The following DLEC1 variants were observed in gnomAD, a reference collection of about 807,000 sequenced individuals.
DLEC1 encodes deleted in lung and esophageal cancer protein 1.
In DLEC1, 146 loss-of-function variants were observed where a neutral mutation model predicts 198.1. That is an observed-to-expected ratio of 0.74 (90% CI 0.64 to 0.85). DLEC1 has a LOEUF of 0.85. DLEC1 is among the 40% of genes least tolerant of loss of function. The pLI, the probability that DLEC1 is intolerant of heterozygous loss-of-function variation, is 0.00. For synonymous variants in DLEC1, 897 were observed against 866.8 expected (o/e 1.03, Z -0.61); for missense variants, 2,233 against 2,220.0 (o/e 1.01, Z -0.12).
intron 1 of DLEC1, among the ~76,000 whole-genome samples, chr3:38,043,861 A>G (rs770649433): frequency 6.6e-6 from 1 of 152,194 alleles, no homozygotes; most frequent in South Asian, 2.1e-4. Context: ...GCCTGGGTAC[A>G]CAATAAATCT....
In DLEC1 at chr3:38,116,434, C is replaced by T. The variant is rs1260219016; in HGVS notation, c.3857-19C>T. 1.2e-6 allele frequency: 2 copies of T among 1,613,692 alleles called. No individual in the cohort carries two copies. The highest frequency in any genetic ancestry group is 1.3e-5 in the African/African-American group (1 of 74,890). ...TGCTCCTCCCTTATTCCTCACCCTG[C>T]TCCACACATCTGCCCCAGACATCCG... On this transcript the variant is annotated intron_variant, in intron 27 of 36. Coordinates refer to ENST00000308059, the MANE Select transcript of DLEC1 (RefSeq NM_007335.4).
chr3:38,116,617 C>T lies in DLEC1; in HGVS notation c.4021C>T (p.Pro1341Ser), dbSNP rs1303558465. 6 of 1,613,984 alleles carry T rather than the reference C, an allele frequency of 3.7e-6. No homozygotes were observed. In the Admixed American group the frequency reaches 1.0e-4, roughly 27 times the overall value. Residue 1341 changes from proline to serine, a missense_variant, in exon 28 of 37, where the codon CCC (proline) becomes TCC (serine). Coordinates refer to ENST00000308059, the MANE Select transcript of DLEC1 (RefSeq NM_007335.4). Reference protein sequence around the residue: ...EGGCLLWSPGPSSSSEFSHET... With the variant: ...EGGCLLWSPGSSSSSEFSHET... ...TGGCTGCCTCCTCTGGTCCCCAGGC[C>T]CCTCCAGTTCATCGGAATTCAGCCA...
At chr3:38,121,535 C>T in intron 34 of DLEC1, 93 bp from the exon 35 acceptor site, 1 of 1,477,178 alleles carries the variant, frequency 6.8e-7, no homozygotes, top group Non-Finnish European at 9.0e-7. Context: ...TCTTCAGGAG[C>T]ATCAGCACTT....
rs1452307558 is a variant in DLEC1, at chr3:38,085,552, C to T, written c.1435+105C>T. 106 of 1,429,014 alleles carry T rather than the reference C, an allele frequency of 7.4e-5. No homozygotes were observed. The East Asian group carries it at 2.0e-3, about 27-fold the overall frequency. 88.5% of individuals were successfully genotyped at this position (1,429,014 alleles called of 1,614,324 possible). On this transcript the variant is annotated intron_variant, in intron 8 of 36. Coordinates refer to ENST00000308059, the MANE Select transcript of DLEC1 (RefSeq NM_007335.4). ...CTTTGTATCAGCACACAGCTTGGCT[C>T]TCTTGGGCAGGGGCCGTGGGTCCTG...
At chr3:38,086,416 T>C in intron 9 of DLEC1, 39 bp downstream of exon 9, 1 of 1,574,748 alleles carries the variant, frequency 6.4e-7, no homozygotes, top group Non-Finnish European at 8.6e-7. Flanking sequence ...AAATTACAAG[T>C]CCATCAAAGG....
chr3:38,110,036 C>T, intron 22 of DLEC1, 63 bp from the exon 23 acceptor site: 2 of 1,573,836 alleles, frequency 1.3e-6, no homozygotes, highest in Non-Finnish European at 8.6e-7. Flanking sequence ...CAAGATGGCT[C>T]CCTGGGCAGG....
At chr3:38,074,294 C>T (rs1697484218) in intron 6 of DLEC1, among the ~76,000 whole-genome samples, 1 of 152,214 alleles carries the variant, frequency 6.6e-6, no homozygotes, top group African/African-American at 2.4e-5. Context: ...TATTGTACAC[C>T]TTGAAGGTGA....
At chr3:38,096,089 C>T in intron 14 of DLEC1, 143 bp downstream of exon 14, 5 of 931,602 alleles carry the variant, frequency 5.4e-6, no homozygotes, top group Non-Finnish European at 8.2e-6. Flanking sequence ...TTTTTTTTGC[C>T]TTGCCCTGGC....
intron 6 of DLEC1, 68 bp from the exon 7 acceptor site, chr3:38,084,090 T>A: frequency 6.8e-7 from 1 of 1,467,274 alleles, no homozygotes; most frequent in Non-Finnish European, 9.5e-7. Flanking sequence ...TTAGAGTAAA[T>A]CCTGGACATC....
chr3:38,097,218 T>G lies in DLEC1; in HGVS notation c.2377T>G (p.Trp793Gly), dbSNP rs756732543. ...CAGCAAGTCACCCATCAGATACCTG[T>G]GGGGGAAGATCAGCGACTGCCACAT... is the stretch of plus-strand genomic sequence containing the variant. Reference protein sequence around the residue: ...NNSKSPIRYLWGKISDCHIIE... With the variant: ...NNSKSPIRYLGGKISDCHIIE... The change falls in exon 16 of 37, where the codon TGG becomes GGG. Residue 793 changes from tryptophan to glycine, a missense_variant. Transcript: ENST00000308059. 1 of 1,586,498 alleles carries G rather than the reference T, an allele frequency of 6.3e-7. No homozygotes were observed. Among genetic ancestry groups the G allele is most frequent in the East Asian group, 2.3e-5 (1 of 43,648 alleles).
In DLEC1 at chr3:38,117,039, A is replaced by G. The variant is rs1272278639; in HGVS notation, c.4244A>G (p.Glu1415Gly). The G allele has an allele frequency of 6.2e-7, 1 of 1,614,060 alleles. No homozygotes were observed. The highest frequency in any genetic ancestry group is 1.7e-5 in the Admixed American group (1 of 60,014). ...ISFTPMVLSP[E>G]ILHKVECTGY... ...TTCACCCCTATGGTGCTCAGCCCTG[A>G]GATCCTGCACAAGGTGGAGTGTACT... Residue 1415 changes from glutamate (E) to glycine (G), a missense_variant, in exon 30 of 37, where the codon GAG becomes GGG. By Grantham distance (98) the Glu-to-Gly change is moderately conservative. Transcript: ENST00000308059.
chr3:38,112,066 C>G lies in DLEC1; in HGVS notation c.3515-144C>G. 1 of 1,324,876 alleles carries G rather than the reference C, an allele frequency of 7.5e-7. No homozygotes were observed. Among genetic ancestry groups the G allele is most frequent in the Non-Finnish European group, 1.0e-6 (1 of 953,378 alleles). The allele number at this position is 1,324,876 out of a possible 1,614,324, so 82.1% of individuals were successfully genotyped here. A position where few individuals can be genotyped will look rare whatever the true frequency, so the allele number is the denominator to read the frequency against. On this transcript the variant is annotated intron_variant, in intron 24 of 36. Transcript: ENST00000308059. The surrounding 1 kb of genome is among the most constrained non-coding windows in gnomAD (Gnocchi z 4.8). ...GTAGCTTGCCTCTGGATTCCAGGCT[C>G]CCAGGAGGAGGGCACATGTAGCCTG...
In DLEC1 at chr3:38,116,477, A is replaced by G. The variant is rs1700166722; in HGVS notation, c.3881A>G (p.Tyr1294Cys). The change falls in exon 28 of 37, where the codon TAT becomes TGT. Residue 1294 changes from tyrosine (Y) to cysteine (C), a missense_variant. Physicochemically the swap from Tyr to Cys is radical, Grantham distance 194. Transcript: ENST00000308059. ...PCDIRLDWET[Y>C]VPEDKEDRLV... ...GACATCCGCCTGGATTGGGAGACCT[A>G]TGTTCCAGAAGACAAGGAAGACCGG... 3.1e-6 allele frequency: 5 copies of G among 1,613,942 alleles called. No individual in the cohort carries two copies. Among genetic ancestry groups the G allele is most frequent in the Admixed American group, 3.3e-5 (2 of 59,992 alleles).
intron 22 of DLEC1, 182 bp downstream of exon 22, chr3:38,109,744 C>T: frequency 9.4e-7 from 1 of 1,062,440 alleles, no homozygotes; most frequent in South Asian, 1.6e-5. Flanking sequence ...TTACCCCATC[C>T]CTGCCCTCTG....
chr3:38,096,577 C>A lies in DLEC1; in HGVS notation c.2180C>A (p.Ala727Glu). The change falls in exon 15 of 37, where the codon GCG (alanine) becomes GAG (glutamate). Residue 727 changes from alanine to glutamate, a missense_variant. Coordinates refer to ENST00000308059, the MANE Select transcript of DLEC1 (RefSeq NM_007335.4). Reference protein sequence around the residue: ...EEVPEPVSSEAESLGHSSYSV... With the variant: ...EEVPEPVSSEEESLGHSSYSV... ...GGTGGGTTTGTGTTTAGTTCAGAAG[C>A]GGAGAGCCTGGGGCACTCCTCCTAC... The A allele has an allele frequency of 6.2e-7, 1 of 1,610,522 alleles. No homozygotes were observed. The highest frequency in any genetic ancestry group is 8.5e-7 in the Non-Finnish European group (1 of 1,179,172).
rs1289900523 is a variant in DLEC1, at chr3:38,123,687, T to TAA, written c.*1278_*1279dup. On this transcript the variant is annotated 3_prime_UTR_variant, in exon 37 of 37. Coordinates refer to ENST00000308059, the MANE Select transcript of DLEC1 (RefSeq NM_007335.4). ...ACCCCATCTTAGAAAAAAACTTTTT[T>TAA]AAAAGATTGATTTAAAAGATATTTA... is the stretch of plus-strand genomic sequence containing the variant. 1 of 152,324 alleles carries TAA rather than the reference T, an allele frequency of 6.6e-6. No homozygotes were observed. Among genetic ancestry groups the TAA allele is most frequent in the Non-Finnish European group, 1.5e-5 (1 of 68,178 alleles). The allele number at this position is 152,324 out of a possible 1,614,324, so 9.4% of individuals were successfully genotyped here. A position where few individuals can be genotyped will look rare whatever the true frequency, so the allele number is the denominator to read the frequency against.
chr3:38,099,548 C>T (rs898132866), intron 18 of DLEC1, among the ~76,000 whole-genome samples: 2 of 152,148 alleles, frequency 1.3e-5, no homozygotes, highest in Admixed American at 6.5e-5. Flanking sequence ...TGAAACCCAA[C>T]CCTAGACTAC....
intron 26 of DLEC1, among the ~76,000 whole-genome samples, 170 bp from the exon 27 acceptor site, chr3:38,114,813 C>T (rs1700064391): frequency 6.6e-6 from 1 of 152,160 alleles, no homozygotes; most frequent in Admixed American, 6.5e-5. Flanking sequence ...GAGCCCAGCT[C>T]ACCTGGTGCC....
chr3:38,114,871 C>A (rs1700067991), intron 26 of DLEC1, 112 bp from the exon 27 acceptor site: 1 of 924,404 alleles, frequency 1.1e-6, no homozygotes, highest in South Asian at 1.6e-5. Context: ...TCGAGTGAGG[C>A]CAGACCACTG....
Sources: gnomAD v4.1 joint callset for allele counts (sites outside exome capture counted in the v4.1 genomes callset) on GRCh38, gnomAD v4.1.1 for gene constraint, Gnocchi (gnomAD v3.1) non-coding constraint, MANE v1.5 for transcripts, NCBI Gene and HGNC (gene_info 2026-07-23, HGNC 2026-07-21) for gene names.